The following TTC28 variants were observed in gnomAD, a reference collection of about 807,000 sequenced individuals.
The protein encoded by TTC28 is tetratricopeptide repeat domain 28.
In TTC28, 61 loss-of-function variants were observed where a neutral mutation model predicts 198.0. The observed-to-expected ratio is 0.31, with a 90% CI of 0.25 to 0.38. The LOEUF (loss-of-function observed/expected upper bound fraction) is 0.38. TTC28 is among the 10% of genes least tolerant of loss of function. TTC28 has a pLI of 1.00. For missense variants in TTC28, 2,678 were observed against 3,164.0 expected, an observed-to-expected ratio of 0.85 and a Z score of 3.69; for synonymous variants, 1,171 against 1,297.8, an observed-to-expected ratio of 0.90 and a Z score of 2.10.
At chr22:28,285,455 A>G (rs2044666214) in intron 5 of TTC28, among the ~76,000 whole-genome samples, 1 of 152,174 alleles carries the variant, frequency 6.6e-6, no homozygotes, top group Non-Finnish European at 1.5e-5. Flanking sequence ...ACCTTCAGTT[A>G]TAAGACAAAT....
At chr22:28,225,714 G>A (rs1006635833) in intron 5 of TTC28, among the ~76,000 whole-genome samples, 3 of 152,154 alleles carry the variant, frequency 2.0e-5, no homozygotes, top group African/African-American at 7.2e-5. Context: ...ACCACGGCAG[G>A]CAACATAGTG....
At chr22:28,003,618 C>G (rs1437517970) in intron 14 of TTC28, among the ~76,000 whole-genome samples, 1 of 152,172 alleles carries the variant, frequency 6.6e-6, no homozygotes, top group Non-Finnish European at 1.5e-5. Context: ...TAGACAAGTC[C>G]CTGGTCATGA....
chr22:28,570,698 G>A (rs575019557), intron 2 of TTC28, among the ~76,000 whole-genome samples: 1 of 151,790 alleles, frequency 6.6e-6, no homozygotes, highest in Non-Finnish European at 1.5e-5. Flanking sequence ...AATAAAAGTT[G>A]GAAAGAAAAA....
intron 2 of TTC28, among the ~76,000 whole-genome samples, chr22:28,554,371 TAA>T (rs35063705): frequency 2.0e-4 from 25 of 123,052 alleles, no homozygotes; most frequent in East Asian, 2.3e-4. Context: ...AATGATCAAT[TAA>T]AAAAAAAAAA....
intron 12 of TTC28, among the ~76,000 whole-genome samples, chr22:28,088,034 C>T (rs939250086): frequency 5.9e-5 from 9 of 152,172 alleles, no homozygotes; most frequent in African/African-American, 2.2e-4. Context: ...AATGGAAGAA[C>T]ATTCCATGCT....
intron 5 of TTC28, among the ~76,000 whole-genome samples, chr22:28,264,164 A>G (rs925143213): frequency 6.6e-6 from 1 of 152,154 alleles, no homozygotes; most frequent in Non-Finnish European, 1.5e-5. Flanking sequence ...TAACTGAATC[A>G]TGAGGGCAGA....
rs1939929616 is a variant in TTC28 at position 28,047,853 on chromosome 22, G to A, written c.3933-17487C>T. ...TTAGTTGATAACAAGAGTATATCCT[G>A]GGCTCAGTTTTTTCTTCTGGTCCAG... On this transcript the variant is annotated intron_variant, in intron 12 of 22. Transcript: ENST00000397906. Among the ~76,000 whole-genome samples, 6 of 152,240 alleles carry A rather than the reference G, an allele frequency of 3.9e-5. No homozygotes were observed. In the South Asian group the frequency reaches 1.2e-3, roughly 32 times the overall value.
chr22:28,099,127 T>C (rs1942063492), intron 9 of TTC28, 83 bp from the exon 10 acceptor site: 1 of 1,499,474 alleles, frequency 6.7e-7, no homozygotes, highest in Non-Finnish European at 9.0e-7. Flanking sequence ...CTTTTGCTCA[T>C]ATCTTTGTGC....
chr22:28,530,557 A>G (rs1489026250), intron 2 of TTC28, among the ~76,000 whole-genome samples: 1 of 152,166 alleles, frequency 6.6e-6, no homozygotes, highest in African/African-American at 2.4e-5. Context: ...AAATACAGAG[A>G]ACGCCACAAA....
intron 2 of TTC28, among the ~76,000 whole-genome samples, chr22:28,336,116 C>G (rs923016708): frequency 6.6e-5 from 10 of 152,024 alleles, no homozygotes; most frequent in African/African-American, 1.9e-4. Flanking sequence ...TTTGTCATTG[C>G]TTCTGTTTAT....
At chr22:28,422,986 G>T (rs899861341) in intron 2 of TTC28, among the ~76,000 whole-genome samples, 1 of 152,040 alleles carries the variant, frequency 6.6e-6, no homozygotes, top group Admixed American at 6.5e-5. Context: ...GCAGAGTTTG[G>T]TTTTTTAATG....
chr22:28,049,857 T>C (rs1235199753), intron 12 of TTC28, among the ~76,000 whole-genome samples: 1 of 151,904 alleles, frequency 6.6e-6, no homozygotes, highest in Non-Finnish European at 1.5e-5. Context: ...CAAGGGCCTG[T>C]GGGGAAAAGC....
intron 5 of TTC28, among the ~76,000 whole-genome samples, chr22:28,289,744 G>A (rs985585997): frequency 1.1e-4 from 17 of 152,282 alleles, no homozygotes; most frequent in Non-Finnish European, 2.4e-4. Context: ...AAATTTTTTT[G>A]TGCAAGCACA....
intron 12 of TTC28, among the ~76,000 whole-genome samples, chr22:28,032,222 T>TATATATATATAAAATATATATATAAA (rs1177725883): frequency 8.2e-6 from 1 of 122,470 alleles, no homozygotes; most frequent in Non-Finnish European, 1.6e-5. Flanking sequence ...ATATATAAAA[T>TATATATATATAAAATATATATATAAA]ATATATATAT....
intron 5 of TTC28, among the ~76,000 whole-genome samples, chr22:28,237,871 T>C (rs1049904677): frequency 6.6e-6 from 1 of 152,208 alleles, no homozygotes; most frequent in African/African-American, 2.4e-5. Flanking sequence ...AGATTTTTGC[T>C]AGATACTGAA....
intron 2 of TTC28, among the ~76,000 whole-genome samples, chr22:28,521,614 T>A (rs1379727489): frequency 6.6e-6 from 1 of 152,172 alleles, no homozygotes; most frequent in Admixed American, 6.5e-5. Flanking sequence ...GCCGTAAGAT[T>A]GCTTCTGGAA....
At chr22:28,661,605 A>T (rs1270708240) in intron 1 of TTC28, among the ~76,000 whole-genome samples, 2 of 151,048 alleles carry the variant, frequency 1.3e-5, no homozygotes, top group African/African-American at 2.4e-5. Context: ...ATTGATAGAC[A>T]GATAGTTTTG....
chr22:28,325,658 A>G (rs2045517720), intron 2 of TTC28, among the ~76,000 whole-genome samples: 1 of 152,100 alleles, frequency 6.6e-6, no homozygotes, highest in Admixed American at 6.6e-5. Context: ...AAAACACAAA[A>G]CCCAATTTTT....
intron 2 of TTC28, among the ~76,000 whole-genome samples, chr22:28,540,101 G>A (rs1471403962): frequency 1.3e-5 from 2 of 151,804 alleles, no homozygotes; most frequent in Non-Finnish European, 2.9e-5. Flanking sequence ...CCGCCACCAC[G>A]CCCAGCTAAT....
Sources: allele counts gnomAD v4.1 joint callset (sites outside exome capture counted in the v4.1 genomes callset), GRCh38; gene constraint gnomAD v4.1.1; transcripts MANE v1.5; gene names NCBI Gene and HGNC (gene_info 2026-07-23, HGNC 2026-07-21).